The following RYR2 variants were observed in gnomAD, a reference collection of about 807,000 sequenced individuals.
The protein encoded by RYR2 is cardiac muscle ryanodine receptor-calcium release channel.
A neutral mutation model predicts 601.1 loss-of-function variants in RYR2; 227 were observed. The observed-to-expected ratio is 0.38, with a 90% CI of 0.34 to 0.42. The LOEUF (loss-of-function observed/expected upper bound fraction) is 0.42, where lower values mean the gene tolerates loss of function less well. RYR2 is among the 10% of genes least tolerant of loss of function. RYR2 has a pLI of 1.00. For synonymous variants in RYR2, 2,223 were observed against 2,175.1 expected (o/e 1.02, Z -0.61); for missense variants, 4,646 against 6,156.5 (o/e 0.75, Z 8.21).
chr1:237,595,782 A>G, intron 34 of RYR2, 125 bp downstream of exon 34: 2 of 1,197,446 alleles, frequency 1.7e-6, no homozygotes, highest in Non-Finnish European at 2.2e-6. Context: ...TGGTCTGAAA[A>G]TCAGCCGAGC....
chr1:237,100,841 C>T (rs898039137), intron 1 of RYR2, among the ~76,000 whole-genome samples: 1 of 152,170 alleles, frequency 6.6e-6, no homozygotes, highest in Non-Finnish European at 1.5e-5. Flanking sequence ...GTTATCCCGG[C>T]CCCTGGGAAA....
intron 68 of RYR2, 114 bp from the exon 69 acceptor site, chr1:237,708,744 G>A: frequency 1.1e-6 from 1 of 908,834 alleles, no homozygotes; most frequent in South Asian, 1.7e-5. Flanking sequence ...TACCCTTAAG[G>A]AAGTCATGTG....
At chr1:237,215,940 T>A (rs985066884) in intron 1 of RYR2, among the ~76,000 whole-genome samples, 29 of 152,226 alleles carry the variant, frequency 1.9e-4, no homozygotes, top group Non-Finnish European at 2.2e-4. Flanking sequence ...AGGTTACACA[T>A]TTTAACCAAT....
At chr1:237,453,607 A>T (rs2150212530) in intron 14 of RYR2, among the ~76,000 whole-genome samples, 1 of 152,268 alleles carries the variant, frequency 6.6e-6, no homozygotes, top group African/African-American at 2.4e-5. Context: ...TTACAATATC[A>T]ACTACAGTAG....
intron 1 of RYR2, among the ~76,000 whole-genome samples, chr1:237,126,344 A>G (rs529984099): frequency 6.6e-6 from 1 of 152,274 alleles, no homozygotes; most frequent in Non-Finnish European, 1.5e-5. Flanking sequence ...AATTGGTGAC[A>G]GTCTTCAGCT....
rs566157997 is a variant in RYR2 at position 237,548,548 on chromosome 1, G to A, written c.3024G>A (p.Ala1008=). The A allele has an allele frequency of 1.9e-4, 304 of 1,613,960 alleles. No homozygotes were observed. Among genetic ancestry groups the A allele is most frequent in the Non-Finnish European group, 2.3e-4 (277 of 1,179,882 alleles). Residue 1008 remains alanine (A), a synonymous_variant, in exon 26 of 105, where the codon GCG becomes GCA. Coordinates refer to ENST00000366574, the MANE Select transcript of RYR2 (RefSeq NM_001035.3). ...CAGAAAATGCACATAATGTGTGGGC[G>A]CGGGATCGAATCCGGCAGGGCTGGA... The part of the protein sequence containing the change: ...KLAENAHNVW[A]RDRIRQGWTY...
chr1:237,505,579 T>C (rs2150507920), intron 22 of RYR2, among the ~76,000 whole-genome samples: 1 of 152,322 alleles, frequency 6.6e-6, no homozygotes, highest in Non-Finnish European at 1.5e-5. Flanking sequence ...AGGATATGTA[T>C]AGTGCAACCT....
chr1:237,783,589 GTTAT>G (rs1304190866), intron 89 of RYR2, 82 bp from the exon 90 acceptor site: 6 of 757,404 alleles, frequency 7.9e-6, no homozygotes, highest in Admixed American at 2.8e-5. Context: ...TGATTCAGAT[GTTAT>G]TAAAGATCTA....
chr1:237,192,932 A>T (rs1160969314), intron 1 of RYR2, among the ~76,000 whole-genome samples: 3 of 152,136 alleles, frequency 2.0e-5, no homozygotes, highest in Non-Finnish European at 4.4e-5. Context: ...GATAAAGCAG[A>T]TGTGTTTTTC....
rs80002781 is a variant in RYR2 at position 237,488,430 on chromosome 1, G to A, written c.1709-3376G>A. ...GGAAGGGACAGCAAGCTCCCTTGGG[G>A]CCTCCTTTATAAAGGCACTAATCCC... On this transcript the variant is annotated intron_variant, in intron 17 of 104. Transcript: ENST00000366574. 3.7e-3 allele frequency among the ~76,000 whole-genome samples: 565 copies of A among 152,214 alleles called. 4 individuals are homozygous for A. The highest frequency in any genetic ancestry group is 0.013 in the African/African-American group (539 of 41,524).
chr1:237,220,439 C>T (rs1269216142), intron 1 of RYR2, among the ~76,000 whole-genome samples: 4 of 152,184 alleles, frequency 2.6e-5, no homozygotes, highest in African/African-American at 9.6e-5. Flanking sequence ...CAGATTTACA[C>T]TGAGCTATGC....
chr1:237,418,036 A>AT (rs1376981011), intron 11 of RYR2, among the ~76,000 whole-genome samples: 8 of 151,582 alleles, frequency 5.3e-5, no homozygotes, highest in South Asian at 4.2e-4. Context: ...ACTATATTTA[A>AT]TTAATTAATT....
chr1:237,165,591 T>G (rs1383604826), intron 1 of RYR2, among the ~76,000 whole-genome samples: 2 of 152,184 alleles, frequency 1.3e-5, no homozygotes, highest in Admixed American at 1.3e-4. Flanking sequence ...AGGCTGGGCA[T>G]GGTGGCTCAC....
chr1:237,791,735 A>G, intron 93 of RYR2: 1 of 574,692 alleles, frequency 1.7e-6, no homozygotes, highest in Admixed American at 3.3e-5. Context: ...TTGATTTAGC[A>G]GAGGGCTTCC....
At chr1:237,729,605 C>T (rs1423390626) in intron 76 of RYR2, among the ~76,000 whole-genome samples, 1 of 152,132 alleles carries the variant, frequency 6.6e-6, no homozygotes, top group Non-Finnish European at 1.5e-5. Flanking sequence ...CCCTTCATGA[C>T]ATTCTTTTAT....
chr1:237,206,580 T>G (rs1437461598), intron 1 of RYR2, among the ~76,000 whole-genome samples: 1 of 152,206 alleles, frequency 6.6e-6, no homozygotes, highest in Admixed American at 6.5e-5. Context: ...TATTTATATG[T>G]TTACAGATAC....
chr1:237,446,093 G>C (rs907996008), intron 14 of RYR2, among the ~76,000 whole-genome samples: 4 of 152,176 alleles, frequency 2.6e-5, no homozygotes, highest in African/African-American at 9.7e-5. Context: ...GGGATTACAG[G>C]TGTGAGCCAC....
intron 29 of RYR2, among the ~76,000 whole-genome samples, chr1:237,576,814 C>T (rs1673270617): frequency 6.6e-6 from 1 of 152,036 alleles, no homozygotes; most frequent in African/African-American, 2.4e-5. Context: ...AAGGTATGAA[C>T]AGGTATTTCA....
At chr1:237,356,430 C>CTT (rs35812890) in intron 4 of RYR2, among the ~76,000 whole-genome samples, 11 of 145,008 alleles carry the variant, frequency 7.6e-5, no homozygotes, top group African/African-American at 2.3e-4. Flanking sequence ...GTCATAGAAC[C>CTT]TTTTTTTTTT....
Sources: gnomAD v4.1 joint callset for allele counts (sites outside exome capture counted in the v4.1 genomes callset) on GRCh38, gnomAD v4.1.1 for gene constraint, MANE v1.5 for transcripts, NCBI Gene and HGNC (gene_info 2026-07-23, HGNC 2026-07-21) for gene names.